The following MROH9 variants were observed in gnomAD, a reference collection of about 807,000 sequenced individuals.
MROH9 encodes maestro heat like repeat family member 9, also known as maestro heat-like repeat-containing protein family member 9.
A neutral mutation model predicts 98.2 loss-of-function variants in MROH9; 92 were observed. The observed-to-expected ratio is 0.94, with a 90% CI of 0.79 to 1.11. MROH9 has a LOEUF of 1.11. Among genes scored for constraint, MROH9 ranks in the 50% most tolerant of loss-of-function variants. The probability of loss-of-function intolerance (pLI) is 0.00; values close to 1 mark genes in which losing one functional copy is unlikely to be tolerated. For missense variants in MROH9, 1,057 were observed against 1,014.8 expected (o/e 1.04, Z -0.57); for synonymous variants, 397 against 368.9 (o/e 1.08, Z -0.87).
intron 20 of MROH9, among the ~76,000 whole-genome samples, chr1:171,026,917 G>C (rs1195324657): frequency 6.6e-6 from 1 of 152,016 alleles, no homozygotes; most frequent in African/African-American, 2.4e-5. Context: ...AGCTTTCGAA[G>C]TACAAGGGGG....
In MROH9 at chr1:171,014,248, C is replaced by T; in HGVS notation, c.1728C>T (p.Ile576=). 1 of 1,550,512 alleles carries T rather than the reference C, an allele frequency of 6.4e-7. No homozygotes were observed. The highest frequency in any genetic ancestry group is 8.7e-7 in the Non-Finnish European group (1 of 1,146,490). ...LHRIVHMSPI[I]NKTENVSSIL... ...GAATTGTCCACATGTCACCAATTATCAATAAGGTATGTGTATGTGATTTGT... is the reference window on the plus strand; with the variant it reads ...GAATTGTCCACATGTCACCAATTATTAATAAGGTATGTGTATGTGATTTGT... The change falls in exon 16 of 22, where the codon ATC becomes ATT. Residue 576 remains isoleucine (I), a synonymous_variant. Transcript: ENST00000367759.
At chr1:171,013,976 G>A in intron 15 of MROH9, 141 bp from the exon 16 acceptor site, 1 of 670,268 alleles carries the variant, frequency 1.5e-6, no homozygotes, top group Non-Finnish European at 2.5e-6. Flanking sequence ...TCTCCCCACT[G>A]CTGTGAGCAC....
intron 20 of MROH9, among the ~76,000 whole-genome samples, chr1:171,048,174 G>A (rs74123666): frequency 0.01 from 1,590 of 152,162 alleles, 29 homozygotes; most frequent in African/African-American, 0.036. Flanking sequence ...GTTCTCTCAC[G>A]GCCTGTGGAG....
chr1:171,033,205 G>C (rs56346740), intron 20 of MROH9, among the ~76,000 whole-genome samples: 13,518 of 152,346 alleles, frequency 0.089, 713 homozygotes, highest in Middle Eastern at 0.17. Context: ...AGAGTGTTAG[G>C]CAGTTGTGAG....
At chr1:171,036,873 G>A (rs2101854093) in intron 20 of MROH9, among the ~76,000 whole-genome samples, 1 of 151,028 alleles carries the variant, frequency 6.6e-6, no homozygotes, top group Admixed American at 6.6e-5. Flanking sequence ...GATGAAAGCA[G>A]ACACTACTAA....
At chr1:171,023,590 A>C (rs1432541455) in intron 17 of MROH9, among the ~76,000 whole-genome samples, 1 of 152,148 alleles carries the variant, frequency 6.6e-6, no homozygotes, top group Non-Finnish European at 1.5e-5. Flanking sequence ...AAATTGTTTT[A>C]CTAGTTTATA....
At chr1:171,019,269 A>G (rs906058563) in intron 17 of MROH9, among the ~76,000 whole-genome samples, 1 of 152,248 alleles carries the variant, frequency 6.6e-6, no homozygotes, top group African/African-American at 2.4e-5. Context: ...GAAACCAGTA[A>G]GAACAAAGAG....
chr1:170,960,462 C>T (rs559079570), intron 5 of MROH9, among the ~76,000 whole-genome samples: 1 of 152,046 alleles, frequency 6.6e-6, no homozygotes, highest in Non-Finnish European at 1.5e-5. Context: ...ATCCAAATGC[C>T]CCATGTTTAT....
At chr1:171,056,073 G>T (rs1653830015) in intron 20 of MROH9, among the ~76,000 whole-genome samples, 1 of 152,214 alleles carries the variant, frequency 6.6e-6, no homozygotes. Flanking sequence ...GAGCCATGCA[G>T]ATTCTTAATA....
intron 20 of MROH9, among the ~76,000 whole-genome samples, chr1:171,055,375 C>A (rs1302535812): frequency 6.6e-6 from 1 of 152,032 alleles, no homozygotes. Flanking sequence ...TTAATCCCAG[C>A]ACTTTGGGAG....
intron 20 of MROH9, among the ~76,000 whole-genome samples, chr1:171,035,230 CTT>C (rs1653057983): frequency 6.6e-6 from 1 of 151,252 alleles, no homozygotes; most frequent in African/African-American, 2.4e-5. Context: ...ATTATAATAA[CTT>C]AGAAAAAGAC....
rs531570813 is a variant in MROH9, at chr1:170,945,459, A to G, written c.-37-61A>G. 70 of 1,204,382 alleles carry G rather than the reference A, an allele frequency of 5.8e-5. 1 individual carries two copies. In the South Asian group the frequency reaches 8.5e-4, roughly 15 times the overall value. 74.6% of individuals were successfully genotyped at this position (1,204,382 alleles called of 1,614,324 possible). ...ATCATAGTACCATCCATATTGATAG[A>G]GCAAAACAAAACTGTAGGAAAGTTT... On this transcript the variant is annotated intron_variant, in intron 1 of 21. Coordinates refer to ENST00000367759, the MANE Select transcript of MROH9 (RefSeq NM_001163629.2).
At chr1:170,995,004 C>T (rs1004244946) in intron 12 of MROH9, among the ~76,000 whole-genome samples, 1 of 151,960 alleles carries the variant, frequency 6.6e-6, no homozygotes. Flanking sequence ...GACCTGCCTT[C>T]CCCTTAAATA....
intron 8 of MROH9, among the ~76,000 whole-genome samples, chr1:170,977,778 C>T (rs1442562119): frequency 6.6e-6 from 1 of 152,184 alleles, no homozygotes; most frequent in Non-Finnish European, 1.5e-5. Context: ...GGGACCTCAG[C>T]AGTGAGTGTG....
At chr1:170,944,189 T>G (rs1378922803) in intron 1 of MROH9, among the ~76,000 whole-genome samples, 1 of 151,908 alleles carries the variant, frequency 6.6e-6, no homozygotes, top group African/African-American at 2.4e-5. Flanking sequence ...ATGAACTAAT[T>G]TCATCTTTGC....
At chr1:170,958,345 T>C in intron 3 of MROH9, 116 bp from the exon 4 acceptor site, 1 of 515,054 alleles carries the variant, frequency 1.9e-6, no homozygotes. Flanking sequence ...TGTTTTCCAG[T>C]CTGATTTGGT....
intron 6 of MROH9, among the ~76,000 whole-genome samples, chr1:170,964,652 C>T (rs930243852): frequency 6.6e-6 from 1 of 152,006 alleles, no homozygotes; most frequent in African/African-American, 2.4e-5. Flanking sequence ...TTCTAACCAA[C>T]CTGCCTCCGG....
intron 20 of MROH9, among the ~76,000 whole-genome samples, chr1:171,045,756 T>G (rs916150295): frequency 7.2e-5 from 11 of 152,206 alleles, no homozygotes; most frequent in Admixed American, 2.0e-4. Context: ...AGGAAAAGAA[T>G]GTGTATTCTG....
At chr1:171,013,127 CAA>C (rs1188204933) in intron 15 of MROH9, among the ~76,000 whole-genome samples, 2 of 152,174 alleles carry the variant, frequency 1.3e-5, no homozygotes, top group African/African-American at 4.8e-5. Flanking sequence ...TAGCTAATGC[CAA>C]CTCACAAACC....
Sources: gnomAD v4.1 joint callset for allele counts (sites outside exome capture counted in the v4.1 genomes callset) on GRCh38, gnomAD v4.1.1 for gene constraint, MANE v1.5 for transcripts, NCBI Gene and HGNC (gene_info 2026-07-23, HGNC 2026-07-21) for gene names.